MCCC1: variants seen among roughly 807,000 people sequenced by gnomAD.
The protein encoded by MCCC1 is methylcrotonyl-CoA carboxylase subunit 1, also known as methylcrotonoyl-CoA carboxylase subunit alpha, mitochondrial.
Under a neutral mutation model 83.8 loss-of-function variants are expected in MCCC1, and 64 were observed. The ratio of observed to expected loss-of-function variants is 0.76; its 90% CI spans 0.62 to 0.94. The LOEUF (loss-of-function observed/expected upper bound fraction) is 0.94, where lower values mean the gene tolerates loss of function less well. Among genes scored for constraint, MCCC1 ranks in the 40% least tolerant of loss-of-function variants. The pLI is 0.00. For synonymous variants in MCCC1, 322 were observed against 315.4 expected (o/e 1.02, Z -0.22); for missense variants, 807 against 904.7 (o/e 0.89, Z 1.39).
At chr3:183,047,688 T>C (rs1277454185) in intron 9 of MCCC1, among the ~76,000 whole-genome samples, 1 of 145,932 alleles carries the variant, frequency 6.9e-6, no homozygotes, top group Non-Finnish European at 1.5e-5. Context: ...ATAACCCTAA[T>C]AGAAATGAAG....
At chr3:183,072,221 A>G (rs1468903992) in intron 5 of MCCC1, 145 bp downstream of exon 5, 1 of 930,192 alleles carries the variant, frequency 1.1e-6, no homozygotes, top group African/African-American at 1.7e-5. Context: ...TAAGTTGCCC[A>G]GGCTGGTCTT....
Position 183,064,894 on chromosome 3 carries a change from T to G in MCCC1, c.761+6105A>C, listed in dbSNP as rs1018969983. Among the ~76,000 whole-genome samples, 2 of 152,232 alleles carry G rather than the reference T, an allele frequency of 1.3e-5. No individual in the cohort carries two copies. Among genetic ancestry groups the G allele is most frequent in the Non-Finnish European group, 2.9e-5 (2 of 68,042 alleles). On this transcript the variant is annotated intron_variant, in intron 7 of 18. Transcript: ENST00000265594. The surrounding 1 kb of genome is among the most constrained non-coding windows in gnomAD (Gnocchi z 4.5). Reference sequence around the variant, plus strand: ...TGGGCGGGTCTTTCTCTGGTCTCTCTGAGCACCTTGCTTTCCCCATCCTGC... The same window carrying G: ...TGGGCGGGTCTTTCTCTGGTCTCTCGGAGCACCTTGCTTTCCCCATCCTGC...
At chr3:183,083,274 T>G (rs529893396) in intron 4 of MCCC1, among the ~76,000 whole-genome samples, 1 of 152,328 alleles carries the variant, frequency 6.6e-6, no homozygotes, top group East Asian at 1.9e-4. Context: ...AAGTATCTTT[T>G]TATTAGAGGA....
At chr3:183,017,180 T>C in intron 18 of MCCC1, 86 bp downstream of exon 18, 5 of 1,141,996 alleles carry the variant, frequency 4.4e-6, no homozygotes, top group Non-Finnish European at 6.6e-6. Context: ...TTTAAGGTGG[T>C]ATTAACTTAC....
chr3:183,022,292 A>T, intron 16 of MCCC1, 125 bp downstream of exon 16: 1 of 1,154,542 alleles, frequency 8.7e-7, no homozygotes, highest in Non-Finnish European at 1.3e-6. Flanking sequence ...GGGGAAACTG[A>T]GGGAAAAAGG....
chr3:183,022,137 T>C (rs1040328138), intron 16 of MCCC1, among the ~76,000 whole-genome samples: 3 of 152,176 alleles, frequency 2.0e-5, no homozygotes, highest in Admixed American at 1.3e-4. Flanking sequence ...CAGGGAGATA[T>C]GCTCTGACAA....
chr3:183,036,326 C>T (rs550144507), intron 13 of MCCC1, among the ~76,000 whole-genome samples: 2 of 152,024 alleles, frequency 1.3e-5, no homozygotes, highest in South Asian at 2.1e-4. Context: ...ATGGAAAAAG[C>T]GGAAGTAATT....
chr3:183,031,411 G>A (rs1274633634), intron 14 of MCCC1, among the ~76,000 whole-genome samples: 2 of 149,708 alleles, frequency 1.3e-5, no homozygotes, highest in Non-Finnish European at 3.0e-5. Flanking sequence ...TGCAAGCCTT[G>A]AATACTTAAA....
chr3:183,108,930 A>C (rs1719447812), intron 1 of MCCC1, among the ~76,000 whole-genome samples: 1 of 152,188 alleles, frequency 6.6e-6, no homozygotes, highest in African/African-American at 2.4e-5. Flanking sequence ...TGGGTTTTTA[A>C]AAAATTTTTC....
chr3:183,094,719 T>C (rs1321293530), intron 1 of MCCC1, 114 bp from the exon 2 acceptor site: 1 of 1,009,776 alleles, frequency 9.9e-7, no homozygotes, highest in Non-Finnish European at 1.5e-6. Context: ...TAACAGTGCT[T>C]TAGTAAGACT....
intron 9 of MCCC1, among the ~76,000 whole-genome samples, chr3:183,047,844 T>C (rs1331092860): frequency 6.6e-6 from 1 of 151,918 alleles, no homozygotes; most frequent in African/African-American, 2.4e-5. Context: ...GCAAGACAAC[T>C]ACAAAAGGTA....
At chr3:183,061,235 C>T (rs540887817) in intron 7 of MCCC1, among the ~76,000 whole-genome samples, 2 of 152,142 alleles carry the variant, frequency 1.3e-5, no homozygotes, top group South Asian at 2.1e-4. Flanking sequence ...GTTTGTGCTG[C>T]GAAGTATTTC....
At position 183,022,478 on chromosome 3, in the gene MCCC1, T is replaced by C. The variant is rs201745589; in HGVS notation, c.1808A>G (p.Asn603Ser). The change falls in exon 16 of 19, where the codon AAT becomes AGT. Residue 603 changes from asparagine (N) to serine (S), a missense_variant. By Grantham distance (46) the Asn-to-Ser change is conservative. Coordinates refer to ENST00000265594, the MANE Select transcript of MCCC1 (RefSeq NM_020166.5). ...CAGCTTCGCTTTACTAGCAACTCCA[T>C]TAACAGAACATTTCAGGTAAGTGCA... is the stretch of plus-strand genomic sequence containing the variant. ...GDCTYLKCSV[N>S]GVASKAKLII... The C allele has an allele frequency of 8.7e-5, 141 of 1,613,998 alleles. No individual in the cohort carries two copies. Among genetic ancestry groups the C allele is most frequent in the Non-Finnish European group, 1.1e-4 (133 of 1,179,996 alleles).
chr3:183,015,314 C>CA lies in MCCC1; in HGVS notation c.*123dup. 3 of 962,432 alleles carry CA rather than the reference C, an allele frequency of 3.1e-6. No homozygotes were observed. Among genetic ancestry groups the CA allele is most frequent in the Non-Finnish European group, 5.1e-6 (3 of 592,578 alleles). 59.6% of individuals were successfully genotyped at this position (962,432 alleles called of 1,614,324 possible). A position where few individuals can be genotyped will look rare whatever the true frequency, so the allele number is the denominator to read the frequency against. ...ATGATTCTCCAATATGAAAGGTGTT[C>CA]AGCATAAGCATACAATCATTTAGTA... On this transcript the variant is annotated 3_prime_UTR_variant, in exon 19 of 19. Transcript: ENST00000265594.
Position 183,052,174 on chromosome 3 carries a change from T to G in MCCC1, c.940A>C (p.Asn314His), listed in dbSNP as rs766302547. 1.9e-6 allele frequency: 3 copies of G among 1,613,994 alleles called. No individual in the cohort carries two copies. The African/African-American group carries it at 4.0e-5, about 22-fold the overall frequency. ...CTTAACCTACCTGCTCCAACATAAT[T>G]TACAGCTTTAGCAGCTCTGACTGCA... ...EAAVRAAKAV[N>H]YVGAGTVEFI... The change falls in exon 9 of 19, where the codon AAT (asparagine) becomes CAT (histidine). Residue 314 changes from asparagine to histidine, a missense_variant. Transcript: ENST00000265594.
rs1200765083 is a variant in MCCC1 at position 183,086,850 on chromosome 3, C to T, written c.274-62G>A. On this transcript the variant is annotated intron_variant, in intron 3 of 18. Transcript: ENST00000265594. ...GGCTAGTACATACTCATACACTATACAGAACTGCTTCAGGGTCATTTTATT... is the reference window on the plus strand; with the variant it reads ...GGCTAGTACATACTCATACACTATATAGAACTGCTTCAGGGTCATTTTATT... The T allele has an allele frequency of 2.8e-6, 4 of 1,408,662 alleles. No homozygotes were observed. The East Asian group carries it at 7.0e-5, about 25-fold the overall frequency. The allele number at this position is 1,408,662 out of a possible 1,614,324, so 87.3% of individuals were successfully genotyped here. A position where few individuals can be genotyped will look rare whatever the true frequency, so the allele number is the denominator to read the frequency against.
intron 7 of MCCC1, among the ~76,000 whole-genome samples, chr3:183,066,361 G>A (rs1368577985): frequency 2.6e-5 from 4 of 152,198 alleles, no homozygotes; most frequent in Admixed American, 6.5e-5. Context: ...CTGGAGTGCA[G>A]TGGCACAATC....
chr3:183,032,891 A>T (rs1034209679), intron 14 of MCCC1, among the ~76,000 whole-genome samples: 1 of 151,964 alleles, frequency 6.6e-6, no homozygotes, highest in East Asian at 1.9e-4. Flanking sequence ...AAAAAAAAAA[A>T]ATTTGTTACT....
chr3:183,094,804 T>C (rs1001764590), intron 1 of MCCC1, among the ~76,000 whole-genome samples, 199 bp from the exon 2 acceptor site: 5 of 152,164 alleles, frequency 3.3e-5, no homozygotes, highest in Admixed American at 2.0e-4. Flanking sequence ...CTACCTGTCC[T>C]TGAATGAGTC....
Sources: gnomAD v4.1 joint callset for allele counts (sites outside exome capture counted in the v4.1 genomes callset) on GRCh38, gnomAD v4.1.1 for gene constraint, Gnocchi (gnomAD v3.1) non-coding constraint, MANE v1.5 for transcripts, NCBI Gene and HGNC (gene_info 2026-07-23, HGNC 2026-07-21) for gene names.